The following PRKG1 variants were observed in gnomAD, a reference collection of about 807,000 sequenced individuals.
The protein encoded by PRKG1 is cGMP-dependent protein kinase 1.
A neutral mutation model predicts 88.1 loss-of-function variants in PRKG1; 35 were observed. That is an observed-to-expected ratio of 0.40 (90% CI 0.30 to 0.53). PRKG1 has a LOEUF of 0.53. Among genes scored for constraint, PRKG1 ranks in the 20% least tolerant of loss-of-function variants. The pLI, the probability that PRKG1 is intolerant of heterozygous loss-of-function variation, is 0.59. For synonymous variants in PRKG1, 303 were observed against 292.5 expected (o/e 1.04, Z -0.37); for missense variants, 540 against 839.8 (o/e 0.64, Z 4.41).
At chr10:51,552,300 CTATTTAGTA>C (rs1423716829) in intron 3 of PRKG1, among the ~76,000 whole-genome samples, 1 of 151,542 alleles carries the variant, frequency 6.6e-6, no homozygotes. Context: ...CATTTTCTTT[CTATTTAGTA>C]TACATTTAGC....
chr10:51,592,902 G>A (rs756630824), intron 3 of PRKG1, among the ~76,000 whole-genome samples: 20 of 152,098 alleles, frequency 1.3e-4, no homozygotes, highest in Non-Finnish European at 1.8e-4. Context: ...CTCCAGTTTT[G>A]CATACAGCTT....
intron 3 of PRKG1, among the ~76,000 whole-genome samples, chr10:51,660,193 C>G (rs1456126412): frequency 1.4e-5 from 2 of 148,024 alleles, no homozygotes; most frequent in Non-Finnish European, 3.0e-5. Flanking sequence ...TGACAAATGA[C>G]ACAGGAAGGC....
At chr10:51,361,147 A>G (rs1397327534) in intron 2 of PRKG1, among the ~76,000 whole-genome samples, 1 of 151,854 alleles carries the variant, frequency 6.6e-6, no homozygotes, top group African/African-American at 2.4e-5. Context: ...ATTTTTTGGT[A>G]TATGATGTCC....
intron 3 of PRKG1, among the ~76,000 whole-genome samples, chr10:51,548,597 A>G (rs2132123809): frequency 1.3e-5 from 2 of 152,070 alleles, no homozygotes; most frequent in Middle Eastern, 3.4e-3. Context: ...TTTTCGTAAC[A>G]CTCTACTATG....
intron 3 of PRKG1, among the ~76,000 whole-genome samples, chr10:51,578,958 G>A: frequency 7.4e-6 from 1 of 134,754 alleles, no homozygotes; most frequent in East Asian, 2.1e-4. Flanking sequence ...TTTTCCAGAA[G>A]AGTTTGGAAT....
intron 2 of PRKG1, among the ~76,000 whole-genome samples, chr10:51,466,291 C>G (rs563282465): frequency 6.6e-6 from 1 of 152,130 alleles, no homozygotes; most frequent in South Asian, 2.1e-4. Context: ...AAGAAGTGAA[C>G]CATGAGAAAG....
intron 3 of PRKG1, among the ~76,000 whole-genome samples, chr10:51,575,488 A>C (rs1253160479): frequency 1.3e-5 from 2 of 151,920 alleles, no homozygotes; most frequent in Non-Finnish European, 2.9e-5. Context: ...GTCACAGAAA[A>C]AGTTTTATAT....
rs191541463 is a variant in PRKG1 at position 51,868,739 on chromosome 10, T to C, written c.699-38768T>C. ...ATGTGTCAAACATGTACTAGCTACC[T>C]GCATAAATAATATGGACTTCCTTGA... On this transcript the variant is annotated intron_variant, in intron 4 of 17. Coordinates refer to ENST00000373980, the MANE Select transcript of PRKG1 (RefSeq NM_006258.4). Among the ~76,000 whole-genome samples the C allele has an allele frequency of 3.6e-3, 550 of 152,306 alleles. 6 individuals are homozygous for C. The highest frequency in any genetic ancestry group is 0.013 in the African/African-American group (520 of 41,574).
chr10:52,219,245 T>C (rs1840186527), intron 9 of PRKG1, among the ~76,000 whole-genome samples: 1 of 152,138 alleles, frequency 6.6e-6, no homozygotes, highest in Non-Finnish European at 1.5e-5. Context: ...AGAAAAGTCA[T>C]AGGAAAATAA....
chr10:51,168,461 A>C (rs1278213535), intron 2 of PRKG1, among the ~76,000 whole-genome samples: 2 of 152,208 alleles, frequency 1.3e-5, no homozygotes, highest in Non-Finnish European at 2.9e-5. Flanking sequence ...TTTTTAAGTG[A>C]ATAAATATTT....
At chr10:51,456,269 C>G (rs1465084170) in intron 2 of PRKG1, among the ~76,000 whole-genome samples, 2 of 152,142 alleles carry the variant, frequency 1.3e-5, no homozygotes, top group Non-Finnish European at 2.9e-5. Context: ...CACTAGGTCT[C>G]TCCCAAAACA....
chr10:51,278,039 A>G (rs187211410), intron 2 of PRKG1, among the ~76,000 whole-genome samples: 32,741 of 152,066 alleles, frequency 0.22, 4,705 homozygotes, highest in African/African-American at 0.41. Flanking sequence ...GCCAGTTTTC[A>G]AAGGGAATGC....
rs549539270 is a variant in PRKG1 at position 51,104,980 on chromosome 10, C to G, written c.311+30079C>G. On this transcript the variant is annotated intron_variant, in intron 1 of 17. Transcript: ENST00000373980. ...TCCTCACCTCAAGTGATCACCCACC[C>G]CAGCTTCCCAAAGTGCTGGGATTAC... Among the ~76,000 whole-genome samples the G allele has an allele frequency of 3.0e-3, 461 of 152,166 alleles. 4 individuals are homozygous for G. The highest frequency in any genetic ancestry group is 0.01 in the African/African-American group (435 of 41,524).
Position 51,574,520 on chromosome 10 carries a change from A to G in PRKG1, c.592+106684A>G, listed in dbSNP as rs566006807. Among the ~76,000 whole-genome samples, 3 of 151,952 alleles carry G rather than the reference A, an allele frequency of 2.0e-5. No homozygotes were observed. The South Asian group carries it at 6.2e-4, about 31-fold the overall frequency. Reference sequence around the variant, plus strand: ...AAGCAGGCAAATGGTAGCACTCAACATTCCAACTCACTCTGATGTGTTAAT... The same window carrying G: ...AAGCAGGCAAATGGTAGCACTCAACGTTCCAACTCACTCTGATGTGTTAAT... On this transcript the variant is annotated intron_variant, in intron 3 of 17. Coordinates refer to ENST00000373980, the MANE Select transcript of PRKG1 (RefSeq NM_006258.4).
intron 8 of PRKG1, among the ~76,000 whole-genome samples, chr10:52,161,024 CTT>C (rs1232313955): frequency 1.3e-5 from 2 of 151,936 alleles, no homozygotes; most frequent in Admixed American, 1.3e-4. Context: ...TGAGTATAGA[CTT>C]TCACTTTTTT....
At chr10:51,107,418 TA>T (rs541554237) in intron 1 of PRKG1, among the ~76,000 whole-genome samples, 236 of 152,124 alleles carry the variant, frequency 1.6e-3, no homozygotes, top group African/African-American at 5.3e-3. Flanking sequence ...GAGAGTAAAT[TA>T]AACCCATAGT....
chr10:52,172,276 T>G (rs1226999765), intron 9 of PRKG1, among the ~76,000 whole-genome samples: 1 of 152,250 alleles, frequency 6.6e-6, no homozygotes, highest in East Asian at 1.9e-4. Flanking sequence ...ATTCTAGTGC[T>G]GCTGACTTGC....
intron 11 of PRKG1, 41 bp from the exon 12 acceptor site, chr10:52,272,351 G>T (rs752031944): frequency 1.4e-6 from 2 of 1,460,936 alleles, no homozygotes; most frequent in Non-Finnish European, 1.9e-6. Flanking sequence ...GTAAAAGACA[G>T]TAATGTTTAT....
intron 1 of PRKG1, among the ~76,000 whole-genome samples, chr10:51,089,447 C>T (rs1333334660): frequency 6.6e-6 from 1 of 152,080 alleles, no homozygotes; most frequent in African/African-American, 2.4e-5. Context: ...TGGTAGAGAC[C>T]ATTAATCACA....
Sources: gnomAD v4.1 joint callset for allele counts (sites outside exome capture counted in the v4.1 genomes callset) on GRCh38, gnomAD v4.1.1 for gene constraint, MANE v1.5 for transcripts, NCBI Gene and HGNC (gene_info 2026-07-23, HGNC 2026-07-21) for gene names.